The following ERICH6B variants were observed in gnomAD, a reference collection of about 807,000 sequenced individuals.
The protein encoded by ERICH6B is glutamate-rich protein 6B.
In ERICH6B, 69 loss-of-function variants were observed where a neutral mutation model predicts 80.0. The ratio of observed to expected loss-of-function variants is 0.86; its 90% CI spans 0.71 to 1.05. ERICH6B has a LOEUF of 1.05. Ranked by LOEUF, ERICH6B falls within the 50% of genes least tolerant of loss-of-function variation. The probability of loss-of-function intolerance (pLI) is 0.00; values close to 1 mark genes in which losing one functional copy is unlikely to be tolerated. For missense variants in ERICH6B, 754 were observed against 796.1 expected, an observed-to-expected ratio of 0.95 and a Z score of 0.64; for synonymous variants, 283 against 291.9, an observed-to-expected ratio of 0.97 and a Z score of 0.31.
At chr13:45,601,133 C>T (rs1949824622) in intron 2 of ERICH6B, among the ~76,000 whole-genome samples, 1 of 152,182 alleles carries the variant, frequency 6.6e-6, no homozygotes, top group South Asian at 2.1e-4. Flanking sequence ...GAGTTAATTT[C>T]CTATCCGTTG....
chr13:45,592,131 A>G (rs893577922), intron 3 of ERICH6B, among the ~76,000 whole-genome samples: 1 of 152,196 alleles, frequency 6.6e-6, no homozygotes, highest in African/African-American at 2.4e-5. Flanking sequence ...CATCTGTGAA[A>G]TGGGCAGGAA....
At chr13:45,591,443 A>G (rs1876152067) in intron 3 of ERICH6B, among the ~76,000 whole-genome samples, 1 of 152,084 alleles carries the variant, frequency 6.6e-6, no homozygotes, top group Non-Finnish European at 1.5e-5. Flanking sequence ...AAAAATACAA[A>G]AAATTAGCTG....
chr13:45,602,682 C>T (rs930593062), intron 2 of ERICH6B, among the ~76,000 whole-genome samples: 15 of 152,170 alleles, frequency 9.9e-5, no homozygotes, highest in African/African-American at 3.4e-4. Flanking sequence ...TCTTCCTCCC[C>T]AGACCTCTCA....
intron 9 of ERICH6B, among the ~76,000 whole-genome samples, chr13:45,565,747 G>A (rs1459169289): frequency 6.6e-6 from 1 of 152,206 alleles, no homozygotes; most frequent in African/African-American, 2.4e-5. Flanking sequence ...TCTTTCTTTT[G>A]TAAATTGCCC....
At chr13:45,580,696 A>G in intron 5 of ERICH6B, 31 bp from the exon 6 acceptor site, 1 of 1,549,488 alleles carries the variant, frequency 6.5e-7, no homozygotes. Flanking sequence ...GTGGCTATTA[A>G]TGATTTAAAC....
Position 45,579,920 on chromosome 13 carries a change from G to A in ERICH6B, c.961+13C>T. On this transcript the variant is annotated intron_variant, in intron 7 of 14. Transcript: ENST00000298738. Reference sequence around the variant, plus strand: ...AAGCAGGGATCTTTGGATGCATTATGTCAGATGCTCACCATTTTCTTCCTT... The same window carrying A: ...AAGCAGGGATCTTTGGATGCATTATATCAGATGCTCACCATTTTCTTCCTT... The A allele has an allele frequency of 1.3e-6, 2 of 1,551,746 alleles. No homozygotes were observed. The highest frequency in any genetic ancestry group is 1.7e-6 in the Non-Finnish European group (2 of 1,146,866).
chr13:45,567,135 G>T (rs1874950065), intron 9 of ERICH6B, among the ~76,000 whole-genome samples: 1 of 152,182 alleles, frequency 6.6e-6, no homozygotes, highest in Non-Finnish European at 1.5e-5. Context: ...ATTTCTCTCA[G>T]TTAGAACAGC....
At chr13:45,561,195 T>TA (rs942711151) in intron 11 of ERICH6B, among the ~76,000 whole-genome samples, 174 bp downstream of exon 11, 6 of 152,172 alleles carry the variant, frequency 3.9e-5, no homozygotes, top group Admixed American at 1.3e-4. Flanking sequence ...GTAAAAATCC[T>TA]AGTCAGTCTG....
At chr13:45,601,225 CTT>C (rs767095076) in intron 2 of ERICH6B, among the ~76,000 whole-genome samples, 2 of 152,084 alleles carry the variant, frequency 1.3e-5, no homozygotes, top group African/African-American at 2.4e-5. Flanking sequence ...ACTGGGATCT[CTT>C]TTCTCCTGTT....
At chr13:45,599,608 T>TA (rs1169320791) in intron 2 of ERICH6B, among the ~76,000 whole-genome samples, 2 of 152,208 alleles carry the variant, frequency 1.3e-5, no homozygotes, top group African/African-American at 2.4e-5. Flanking sequence ...AGAGAGGACT[T>TA]ACTTATTATT....
chr13:45,548,569 G>A (rs1304949764), intron 13 of ERICH6B, among the ~76,000 whole-genome samples: 1 of 152,180 alleles, frequency 6.6e-6, no homozygotes, highest in African/African-American at 2.4e-5. Flanking sequence ...CTTTTGCAGG[G>A]GTGAGGGGTG....
intron 11 of ERICH6B, among the ~76,000 whole-genome samples, chr13:45,560,946 A>G (rs1000354981): frequency 6.6e-6 from 1 of 152,044 alleles, no homozygotes. Flanking sequence ...GGGTCTTGCT[A>G]TGTTGCCTAG....
chr13:45,592,057 C>A (rs1051602943), intron 3 of ERICH6B, among the ~76,000 whole-genome samples: 1 of 152,140 alleles, frequency 6.6e-6, no homozygotes, highest in African/African-American at 2.4e-5. Flanking sequence ...CCTGTCCTGG[C>A]CCTTCTAATG....
chr13:45,592,358 C>T (rs901448805), intron 3 of ERICH6B, among the ~76,000 whole-genome samples: 3 of 152,232 alleles, frequency 2.0e-5, no homozygotes, highest in Non-Finnish European at 4.4e-5. Context: ...CAGAGGTGAA[C>T]TTCCTTTCAT....
At chr13:45,571,860 T>C (rs937549613) in intron 8 of ERICH6B, among the ~76,000 whole-genome samples, 5 of 152,164 alleles carry the variant, frequency 3.3e-5, no homozygotes, top group African/African-American at 1.2e-4. Flanking sequence ...GATGGTCCTC[T>C]GCAAGTCATG....
chr13:45,586,728 G>A (rs1319182787), intron 5 of ERICH6B, among the ~76,000 whole-genome samples: 1 of 152,188 alleles, frequency 6.6e-6, no homozygotes, highest in African/African-American at 2.4e-5. Context: ...CTGTGTCCCT[G>A]AGGGAAATTG....
chr13:45,551,245 G>A (rs1337846659), intron 11 of ERICH6B, among the ~76,000 whole-genome samples: 1 of 152,006 alleles, frequency 6.6e-6, no homozygotes, highest in Non-Finnish European at 1.5e-5. Flanking sequence ...AAAGGACCAA[G>A]TTTTGGTTTG....
intron 13 of ERICH6B, 26 bp downstream of exon 13, chr13:45,549,867 G>T: frequency 1.3e-6 from 2 of 1,545,032 alleles, no homozygotes; most frequent in Non-Finnish European, 8.7e-7. Flanking sequence ...GGGCAGGAGT[G>T]TTAGGGACTC....
chr13:45,570,506 T>C (rs150738965), intron 8 of ERICH6B, among the ~76,000 whole-genome samples: 2 of 152,330 alleles, frequency 1.3e-5, no homozygotes, highest in African/African-American at 4.8e-5. Flanking sequence ...ATAACTGAAC[T>C]ATAGGTTGAT....
Sources: allele counts gnomAD v4.1 joint callset (sites outside exome capture counted in the v4.1 genomes callset), GRCh38; gene constraint gnomAD v4.1.1; transcripts MANE v1.5; gene names NCBI Gene and HGNC (gene_info 2026-07-23, HGNC 2026-07-21).